The following GALNT13 variants were observed in gnomAD, a reference collection of about 807,000 sequenced individuals.
The protein encoded by GALNT13 is UDP-GalNAc:polypeptide N-acetylgalactosaminyltransferase 13.
In GALNT13, 28 loss-of-function variants were observed where a neutral mutation model predicts 64.2. The ratio of observed to expected loss-of-function variants is 0.44; its 90% CI spans 0.32 to 0.60. GALNT13 has a LOEUF of 0.60. GALNT13 is among the 20% of genes least tolerant of loss of function. The pLI is 0.05. For missense variants in GALNT13, 577 were observed against 669.8 expected (o/e 0.86, Z 1.53); for synonymous variants, 214 against 224.6 (o/e 0.95, Z 0.42).
At chr2:154,097,725 G>T (rs1702145184) in intron 3 of GALNT13, among the ~76,000 whole-genome samples, 1 of 151,884 alleles carries the variant, frequency 6.6e-6, no homozygotes, top group Admixed American at 6.6e-5. Flanking sequence ...TTAACAAAAT[G>T]TTTTCTGAAA....
chr2:153,595,628 T>C, the GALNT13 span, among the ~76,000 whole-genome samples: 4 of 152,044 alleles, frequency 2.6e-5, no homozygotes, highest in South Asian at 2.1e-4. Flanking sequence ...AAAAGATTCA[T>C]CAGAAATAAA....
the GALNT13 span, among the ~76,000 whole-genome samples, chr2:153,111,255 A>G: frequency 6.6e-6 from 1 of 152,146 alleles, no homozygotes; most frequent in Non-Finnish European, 1.5e-5. Flanking sequence ...GATACCTTAG[A>G]AATTCCTTTG....
chr2:153,249,495 T>C, the GALNT13 span, among the ~76,000 whole-genome samples: 2 of 152,248 alleles, frequency 1.3e-5, no homozygotes, highest in South Asian at 2.1e-4. Flanking sequence ...AAAGTTACCA[T>C]TGACTTTCTT....
chr2:153,892,790 G>A (rs1264537359), intron 1 of GALNT13, among the ~76,000 whole-genome samples: 1 of 151,170 alleles, frequency 6.6e-6, no homozygotes, highest in Admixed American at 6.6e-5. Flanking sequence ...TTCCATTTCT[G>A]TCCTCTGTCT....
rs985304715 is a variant in GALNT13, at chr2:154,256,063, G to GA, written c.858-2948dup. Among the ~76,000 whole-genome samples, 987 of 145,468 alleles carry GA rather than the reference G, an allele frequency of 6.8e-3. 8 individuals are homozygous for GA. Among genetic ancestry groups the GA allele is most frequent in the Middle Eastern group, 0.024 (7 of 290 alleles). Reference sequence around the variant, plus strand: ...AGAGTGAGACCCTGTCTCAAAAAAAGAAAAAAAAAACTCAGTTAAAAATAA... The same window carrying GA: ...AGAGTGAGACCCTGTCTCAAAAAAAGAAAAAAAAAAACTCAGTTAAAAATAA... On this transcript the variant is annotated intron_variant, in intron 7 of 12. Coordinates refer to ENST00000392825, the MANE Select transcript of GALNT13 (RefSeq NM_052917.4).
chr2:153,479,197 G>A, the GALNT13 span, among the ~76,000 whole-genome samples: 7 of 152,182 alleles, frequency 4.6e-5, no homozygotes, highest in African/African-American at 1.7e-4. Flanking sequence ...TGAATCGCAG[G>A]TGCCAGATGG....
chr2:154,426,537 G>A (rs1700479491), intron 11 of GALNT13, among the ~76,000 whole-genome samples: 1 of 152,130 alleles, frequency 6.6e-6, no homozygotes, highest in South Asian at 2.1e-4. Context: ...GTACATTCAA[G>A]CATAACTCGT....
intron 3 of GALNT13, among the ~76,000 whole-genome samples, chr2:154,057,846 T>A (rs1004426468): frequency 2.0e-5 from 3 of 152,214 alleles, no homozygotes; most frequent in African/African-American, 7.2e-5. Context: ...ACTAAATGTT[T>A]ATTAGGGAAG....
In GALNT13 at chr2:154,216,954, A is replaced by AT. The variant is rs373851562; in HGVS notation, c.312-25063dup. Among the ~76,000 whole-genome samples, 1,029 of 140,478 alleles carry AT rather than the reference A, an allele frequency of 7.3e-3. 5 individuals are homozygous for AT. Among genetic ancestry groups the AT allele is most frequent in the East Asian group, 0.016 (78 of 4,752 alleles). The allele number at this position is 140,478 out of a possible 152,430, so 92.2% of individuals were successfully genotyped here. ...GAGGCATGGACCACCACATCAAGCT[A>AT]TTTTTTTTTTTTTATTTTTTTAGAG... On this transcript the variant is annotated intron_variant, in intron 4 of 12. Transcript: ENST00000392825.
chr2:154,342,043 T>G (rs1389466213), intron 9 of GALNT13, among the ~76,000 whole-genome samples: 1 of 152,012 alleles, frequency 6.6e-6, no homozygotes, highest in African/African-American at 2.4e-5. Context: ...GGAGACTGGT[T>G]TAGGAAGAAG....
intron 3 of GALNT13, among the ~76,000 whole-genome samples, chr2:154,091,366 T>C (rs962162142): frequency 1.3e-5 from 2 of 151,982 alleles, no homozygotes; most frequent in African/African-American, 4.8e-5. Flanking sequence ...ATTTTTATTA[T>C]GTGTGTAAAA....
At chr2:153,657,621 C>G in the GALNT13 span, among the ~76,000 whole-genome samples, 1 of 152,040 alleles carries the variant, frequency 6.6e-6, no homozygotes, top group Non-Finnish European at 1.5e-5. Context: ...AATTACCAAG[C>G]CACATTATCT....
chr2:153,334,060 A>G, the GALNT13 span, among the ~76,000 whole-genome samples: 1 of 152,234 alleles, frequency 6.6e-6, no homozygotes, highest in Non-Finnish European at 1.5e-5. Flanking sequence ...ATATACATAC[A>G]TTAAATAGTT....
chr2:153,590,518 A>G, the GALNT13 span, among the ~76,000 whole-genome samples: 5 of 152,152 alleles, frequency 3.3e-5, no homozygotes, highest in African/African-American at 1.2e-4. Context: ...CCAGACAAGG[A>G]CAGAAAAACA....
the GALNT13 span, among the ~76,000 whole-genome samples, chr2:153,619,288 AC>A: frequency 2.6e-5 from 4 of 152,050 alleles, no homozygotes; most frequent in Non-Finnish European, 5.9e-5. Flanking sequence ...GCTTAAACAA[AC>A]AAGCAAAAAG....
chr2:153,097,947 T>A, the GALNT13 span, among the ~76,000 whole-genome samples: 5 of 152,144 alleles, frequency 3.3e-5, no homozygotes. Flanking sequence ...GCACCTGTAG[T>A]CACAGCTACT....
At chr2:153,288,880 T>G in the GALNT13 span, among the ~76,000 whole-genome samples, 2 of 152,160 alleles carry the variant, frequency 1.3e-5, no homozygotes, top group Admixed American at 1.3e-4. Flanking sequence ...GTACTTAAAT[T>G]TATATACTTA....
At chr2:153,469,306 C>T in the GALNT13 span, among the ~76,000 whole-genome samples, 10 of 152,132 alleles carry the variant, frequency 6.6e-5, no homozygotes, top group South Asian at 2.1e-3. Context: ...TGGTGATGAG[C>T]TGCATGAGAA....
the GALNT13 span, among the ~76,000 whole-genome samples, chr2:153,324,208 C>T: frequency 1.4e-4 from 22 of 152,292 alleles, no homozygotes; most frequent in Admixed American, 7.8e-4. Context: ...AAGTCCTTCA[C>T]ATTCCCTTGT....
Sources: allele counts gnomAD v4.1 joint callset (sites outside exome capture counted in the v4.1 genomes callset), GRCh38; gene constraint gnomAD v4.1.1; transcripts MANE v1.5; gene names NCBI Gene and HGNC (gene_info 2026-07-23, HGNC 2026-07-21).